Variants in CEP126 observed in about 807,000 individuals in gnomAD.
CEP126 encodes the protein centrosomal protein of 126 kDa.
A neutral mutation model predicts 107.8 loss-of-function variants in CEP126; 74 were observed. The ratio of observed to expected loss-of-function variants is 0.69; its 90% CI spans 0.57 to 0.83. CEP126 has a LOEUF of 0.83. CEP126 is among the 40% of genes least tolerant of loss of function. The probability of loss-of-function intolerance (pLI) is 0.00; values close to 1 mark genes in which losing one functional copy is unlikely to be tolerated. For synonymous variants in CEP126, 449 were observed against 446.0 expected, an observed-to-expected ratio of 1.01 and a Z score of -0.08; for missense variants, 1,237 against 1,281.9, an observed-to-expected ratio of 0.96 and a Z score of 0.53.
At chr11:101,960,625 C>A (rs950411416) in intron 5 of CEP126, among the ~76,000 whole-genome samples, 2 of 151,978 alleles carry the variant, frequency 1.3e-5, no homozygotes, top group African/African-American at 4.8e-5. Context: ...AAAACTTATT[C>A]CACAATACTA....
At chr11:101,952,163 C>T (rs1210131242) in intron 4 of CEP126, among the ~76,000 whole-genome samples, 1 of 152,028 alleles carries the variant, frequency 6.6e-6, no homozygotes. Context: ...TGTGAGAAGG[C>T]ATAGAATCAT....
chr11:101,964,421 G>A (rs888108119), intron 6 of CEP126, among the ~76,000 whole-genome samples: 6 of 151,794 alleles, frequency 4.0e-5, no homozygotes, highest in African/African-American at 1.2e-4. Context: ...TTTACTTGAA[G>A]TTGGAAGTTC....
At chr11:101,976,516 T>TA (rs1941193432) in intron 6 of CEP126, among the ~76,000 whole-genome samples, 1 of 152,208 alleles carries the variant, frequency 6.6e-6, no homozygotes, top group Non-Finnish European at 1.5e-5. Flanking sequence ...TCTTGAAAGG[T>TA]AAAGGCTTTT....
rs1941480446 is a variant in CEP126 at position 101,999,354 on chromosome 11, C to T, written c.*1711C>T. ...ATTCATATACACTAGTATATATGTA[C>T]ACAGCAGCATCCTGCATGCCAAAGT... On this transcript the variant is annotated 3_prime_UTR_variant, in exon 11 of 11. Coordinates refer to ENST00000263468, the MANE Select transcript of CEP126 (RefSeq NM_020802.4). 6.6e-6 allele frequency: 1 copy of T among 150,894 alleles called. No homozygotes were observed. Among genetic ancestry groups the T allele is most frequent in the Non-Finnish European group, 1.5e-5 (1 of 67,842 alleles). 9.3% of individuals were successfully genotyped at this position (150,894 alleles called of 1,614,324 possible). A position where few individuals can be genotyped will look rare whatever the true frequency, so the allele number is the denominator to read the frequency against.
chr11:101,936,975 G>C (rs887497540), intron 2 of CEP126, among the ~76,000 whole-genome samples: 8 of 152,148 alleles, frequency 5.3e-5, no homozygotes, highest in Non-Finnish European at 1.0e-4. Context: ...GGAACTAGAA[G>C]TGTTGTGGAT....
chr11:101,944,119 C>T (rs1940704511), intron 2 of CEP126, 146 bp from the exon 3 acceptor site: 3 of 671,348 alleles, frequency 4.5e-6, no homozygotes, highest in South Asian at 2.5e-5. Context: ...CTTTGGCAAA[C>T]ACCTGTTTTA....
At chr11:101,944,966 G>A (rs1940716366) in intron 3 of CEP126, among the ~76,000 whole-genome samples, 1 of 152,174 alleles carries the variant, frequency 6.6e-6, no homozygotes, top group African/African-American at 2.4e-5. Context: ...ATAGTGATAA[G>A]CAGAAGCTTT....
intron 2 of CEP126, among the ~76,000 whole-genome samples, chr11:101,938,788 A>AT (rs1187934962): frequency 1.3e-5 from 2 of 151,914 alleles, no homozygotes; most frequent in Admixed American, 1.3e-4. Context: ...TCATTCAAAA[A>AT]TTTTTTTTAC....
intron 6 of CEP126, among the ~76,000 whole-genome samples, chr11:101,973,020 A>G (rs919485299): frequency 2.6e-5 from 4 of 152,198 alleles, no homozygotes; most frequent in Admixed American, 1.3e-4. Context: ...ATCACATTCA[A>G]TTATATGAAT....
At chr11:101,933,426 G>A (rs1430212998) in intron 2 of CEP126, among the ~76,000 whole-genome samples, 1 of 152,142 alleles carries the variant, frequency 6.6e-6, no homozygotes, top group Non-Finnish European at 1.5e-5. Flanking sequence ...AGGCTGCCTA[G>A]TTTAGACTCC....
At chr11:101,931,740 T>C (rs2137085956) in intron 2 of CEP126, among the ~76,000 whole-genome samples, 1 of 152,334 alleles carries the variant, frequency 6.6e-6, no homozygotes, top group Non-Finnish European at 1.5e-5. Flanking sequence ...AGGCAAGTTC[T>C]TCAGTTCTAT....
At chr11:101,917,911 A>G (rs1940253378) in intron 1 of CEP126, among the ~76,000 whole-genome samples, 1 of 152,166 alleles carries the variant, frequency 6.6e-6, no homozygotes, top group Non-Finnish European at 1.5e-5. Context: ...TGTACCACTA[A>G]AGATTGATGG....
chr11:101,958,793 A>C (rs555222510), intron 5 of CEP126, among the ~76,000 whole-genome samples: 59 of 152,318 alleles, frequency 3.9e-4, no homozygotes, highest in Non-Finnish European at 7.5e-4. Flanking sequence ...AATTATGCAC[A>C]TTTATGAGAT....
intron 10 of CEP126, among the ~76,000 whole-genome samples, chr11:101,996,419 C>G (rs1427491415): frequency 6.6e-6 from 1 of 152,152 alleles, no homozygotes; most frequent in African/African-American, 2.4e-5. Flanking sequence ...ATCCCTTGCC[C>G]CATATACTCT....
chr11:101,992,599 C>T (rs1378812664), intron 9 of CEP126, among the ~76,000 whole-genome samples, 179 bp from the exon 10 acceptor site: 1 of 152,070 alleles, frequency 6.6e-6, no homozygotes, highest in Non-Finnish European at 1.5e-5. Context: ...AATCAAATTA[C>T]TTCCACTTTT....
chr11:101,987,211 CA>C lies in CEP126; in HGVS notation c.3244+171del, dbSNP rs375212982. Reference sequence around the variant, plus strand: ...TATTTGAATACTATTTCAAGTATGCCATATCATTTATGATGATGTCAACTTC... The same window carrying C: ...TATTTGAATACTATTTCAAGTATGCCTATCATTTATGATGATGTCAACTTC... On this transcript the variant is annotated intron_variant, in intron 9 of 10. Coordinates refer to ENST00000263468, the MANE Select transcript of CEP126 (RefSeq NM_020802.4). 3.8e-4 allele frequency among the ~76,000 whole-genome samples: 58 copies of C among 152,250 alleles called. No homozygotes were observed. In the East Asian group the frequency reaches 0.011, roughly 29 times the overall value.
chr11:101,946,917 A>G (rs1051214582), intron 3 of CEP126, among the ~76,000 whole-genome samples: 1 of 152,152 alleles, frequency 6.6e-6, no homozygotes, highest in Non-Finnish European at 1.5e-5. Flanking sequence ...ATTAGCAGAA[A>G]ACCTTATTTT....
rs373669964 is a variant in CEP126, at chr11:101,963,121, G to A, written c.2086G>A (p.Glu696Lys). The change falls in exon 6 of 11, where the codon GAA becomes AAA. Residue 696 changes from glutamate (E) to lysine (K), a missense_variant. Transcript: ENST00000263468. ...GAAGTCCAGGGAGGATTCTATCTCT[G>A]AAAATGTTACGACTTTAGGAGGATC... ...TKKSREDSIS[E>K]NVTTLGGSGA... 25 of 1,614,064 alleles carry A rather than the reference G, an allele frequency of 1.5e-5. No individual in the cohort carries two copies. The African/African-American group carries it at 2.4e-4, about 15-fold the overall frequency.
At chr11:101,932,930 A>AATAG (rs1940523597) in intron 2 of CEP126, among the ~76,000 whole-genome samples, 3 of 152,210 alleles carry the variant, frequency 2.0e-5, no homozygotes, top group African/African-American at 7.2e-5. Flanking sequence ...AAATACAAAT[A>AATAG]ATAGATAACT....
Sources: gnomAD v4.1 joint callset for allele counts (sites outside exome capture counted in the v4.1 genomes callset) on GRCh38, gnomAD v4.1.1 for gene constraint, MANE v1.5 for transcripts, NCBI Gene and HGNC (gene_info 2026-07-23, HGNC 2026-07-21) for gene names.